Variants in RBM17 observed in about 807,000 individuals in gnomAD.
RBM17 encodes the protein splicing factor 45.
Under a neutral mutation model 53.2 loss-of-function variants are expected in RBM17, and 7 were observed. The observed-to-expected ratio is 0.13, with a 90% CI of 0.07 to 0.25. The LOEUF is 0.25. Among genes scored for constraint, RBM17 ranks in the 10% least tolerant of loss-of-function variants. RBM17 has a pLI of 1.00. For missense variants in RBM17, 257 were observed against 496.7 expected, an observed-to-expected ratio of 0.52 and a Z score of 4.59; for synonymous variants, 167 against 178.1, an observed-to-expected ratio of 0.94 and a Z score of 0.50.
At chr10:6,100,182 A>G (rs1840650578) in intron 2 of RBM17, among the ~76,000 whole-genome samples, 1 of 152,248 alleles carries the variant, frequency 6.6e-6, no homozygotes, top group African/African-American at 2.4e-5. Context: ...TGTTATATTC[A>G]AGAGAGATGA....
At chr10:6,091,388 A>G (rs145396977) in intron 1 of RBM17, among the ~76,000 whole-genome samples, 201 of 152,092 alleles carry the variant, frequency 1.3e-3, no homozygotes, top group Non-Finnish European at 2.0e-3. Context: ...TCAAAGAGGC[A>G]TGCTTTGTTT....
chr10:6,115,745 A>C lies in RBM17; in HGVS notation c.*189A>C. The C allele has an allele frequency of 4.6e-6, 2 of 430,914 alleles. No individual in the cohort carries two copies. The highest frequency in any genetic ancestry group is 4.1e-6 in the Non-Finnish European group (1 of 244,546). The allele number at this position is 430,914 out of a possible 1,614,324, so 26.7% of individuals were successfully genotyped here. A position where few individuals can be genotyped will look rare whatever the true frequency, so the allele number is the denominator to read the frequency against. On this transcript the variant is annotated 3_prime_UTR_variant, in exon 12 of 12. Transcript: ENST00000379888. ...TTAATATAGTATAAAAATCCTTTTA[A>C]AAAAACAACAATCTGTGTGCCTCTC...
chr10:6,108,632 T>G, intron 5 of RBM17, 54 bp from the exon 6 acceptor site: 2 of 1,429,918 alleles, frequency 1.4e-6, no homozygotes, highest in Non-Finnish European at 2.0e-6. Flanking sequence ...TCATAGTCGT[T>G]TGGGAGTCTG....
chr10:6,106,648 G>A (rs535016427), intron 5 of RBM17, among the ~76,000 whole-genome samples: 56 of 152,286 alleles, frequency 3.7e-4, no homozygotes, highest in Admixed American at 1.3e-3. Context: ...ATCCCCAAAT[G>A]TTTGGTTTTT....
At chr10:6,113,362 AC>A in intron 8 of RBM17, 145 bp from the exon 9 acceptor site, 1 of 594,472 alleles carries the variant, frequency 1.7e-6, no homozygotes, top group Non-Finnish European at 3.0e-6. Context: ...TCGCTCAGAG[AC>A]CAATTGTGTA....
At position 6,112,478 on chromosome 10, in the gene RBM17, G is replaced by A. The variant is rs759296698; in HGVS notation, c.856+117G>A. On this transcript the variant is annotated intron_variant, in intron 8 of 11. Transcript: ENST00000379888. The surrounding 1 kb of genome is among the most constrained non-coding windows in gnomAD (Gnocchi z 4.4). ...GGGACAATGAGGCGTGTGGCCAGAG[G>A]GAGAGGGCTGGCCCTGCCATCACTA... 28 of 1,236,190 alleles carry A rather than the reference G, an allele frequency of 2.3e-5. No homozygotes were observed. Among genetic ancestry groups the A allele is most frequent in the Non-Finnish European group, 3.3e-5 (28 of 859,752 alleles). The allele number at this position is 1,236,190 out of a possible 1,614,324, so 76.6% of individuals were successfully genotyped here.
In RBM17 at chr10:6,110,007, A is replaced by G; in HGVS notation, c.584A>G (p.Glu195Gly). 1 of 1,610,320 alleles carries G rather than the reference A, an allele frequency of 6.2e-7. No homozygotes were observed. The highest frequency in any genetic ancestry group is 8.5e-7 in the Non-Finnish European group (1 of 1,177,930). The change falls in exon 7 of 12, where the codon GAA becomes GGA. Residue 195 changes from glutamate (E) to glycine (G), a missense_variant. Physicochemically the swap from Glu to Gly is moderately conservative, Grantham distance 98 (BLOSUM62 -2). Coordinates refer to ENST00000379888, the MANE Select transcript of RBM17 (RefSeq NM_032905.5). ...DKELPRDFPY[E>G]EDSRPRSQSS... ...ATAGTACCCCGAGATTTTCCTTATG[A>G]AGAGGACTCAAGACCTCGATCACAG...
chr10:6,105,118 G>T, intron 4 of RBM17, 21 bp downstream of exon 4: 2 of 1,607,388 alleles, frequency 1.2e-6, no homozygotes, highest in Non-Finnish European at 1.7e-6. Flanking sequence ...CTTTGGATTT[G>T]GGGATATTTT....
In RBM17 at chr10:6,097,794, C is replaced by A. The variant is rs549104958; in HGVS notation, c.123+606C>A. On this transcript the variant is annotated intron_variant, in intron 2 of 11. Transcript: ENST00000379888. Reference sequence around the variant, plus strand: ...CTTGTTTAAGGTGCTAATTTTGTAGCCTTACTCCTGATATTCTGGTAAACT... The same window carrying A: ...CTTGTTTAAGGTGCTAATTTTGTAGACTTACTCCTGATATTCTGGTAAACT... Among the ~76,000 whole-genome samples the A allele has an allele frequency of 2.0e-5, 3 of 152,340 alleles. No homozygotes were observed. In the East Asian group the frequency reaches 5.8e-4, roughly 29 times the overall value.
At chr10:6,106,827 CTTTG>C (rs1304500961) in intron 5 of RBM17, among the ~76,000 whole-genome samples, 2 of 152,112 alleles carry the variant, frequency 1.3e-5, no homozygotes, top group African/African-American at 2.4e-5. Context: ...AATGAGAAGA[CTTTG>C]TTTGACCTTG....
In RBM17 at chr10:6,114,427, T is replaced by TA. The variant is rs145520248; in HGVS notation, c.1029+281dup. On this transcript the variant is annotated intron_variant, in intron 10 of 11. Transcript: ENST00000379888. ...TAGCGTGCTCAGTAGTTTAGTTCCT[T>TA]AGACATGCCTTTGGTTTCAGTCATT... The TA allele has an allele frequency of 8.4e-3, 2,667 of 318,816 alleles. 59 individuals carry two copies. Among genetic ancestry groups the TA allele is most frequent in the African/African-American group, 0.053 (2,461 of 46,010 alleles). 19.7% of individuals were successfully genotyped at this position (318,816 alleles called of 1,614,324 possible).
chr10:6,104,810 C>A, intron 3 of RBM17, 121 bp from the exon 4 acceptor site: 1 of 784,188 alleles, frequency 1.3e-6, no homozygotes, highest in Non-Finnish European at 2.0e-6. Flanking sequence ...GTCTTTAAAA[C>A]AGAGGAAGGG....
chr10:6,090,330 T>A lies in RBM17; in HGVS notation c.-19+1137T>A, dbSNP rs188308727. Among the ~76,000 whole-genome samples, 28 of 152,268 alleles carry A rather than the reference T, an allele frequency of 1.8e-4. 1 individual carries two copies. In the East Asian group the frequency reaches 5.0e-3, roughly 27 times the overall value. ...AAGGATGCAACACAAGTTTCCACAT[T>A]TTTAGTTGTAAAGGCTGCAGACATT... On this transcript the variant is annotated intron_variant, in intron 1 of 11. Transcript: ENST00000379888.
intron 1 of RBM17, among the ~76,000 whole-genome samples, chr10:6,093,968 ATTTTTTTTTT>A (rs71390121): frequency 2.1e-5 from 2 of 93,272 alleles, no homozygotes; most frequent in South Asian, 3.5e-4. Flanking sequence ...CAAGTGTGGA[ATTTTTTTTTT>A]TTTTTTTTTT....
chr10:6,107,639 G>A (rs942201009), intron 5 of RBM17, among the ~76,000 whole-genome samples: 5 of 151,612 alleles, frequency 3.3e-5, no homozygotes, highest in Non-Finnish European at 1.5e-5. Context: ...GTGCCACCAT[G>A]CCCAGCTGAT....
intron 1 of RBM17, among the ~76,000 whole-genome samples, chr10:6,090,486 GT>G: frequency 6.6e-6 from 1 of 152,346 alleles, no homozygotes; most frequent in Non-Finnish European, 1.5e-5. Context: ...AGGTTGTGCG[GT>G]TGTGGAGCTC....
At chr10:6,110,483 T>C (rs923031277) in intron 7 of RBM17, among the ~76,000 whole-genome samples, 3 of 152,212 alleles carry the variant, frequency 2.0e-5, no homozygotes, top group East Asian at 3.8e-4. Context: ...ACCTTTTTTT[T>C]CCTGATAAAG....
intron 2 of RBM17, among the ~76,000 whole-genome samples, chr10:6,099,890 T>G (rs1243553391): frequency 6.6e-6 from 1 of 152,092 alleles, no homozygotes; most frequent in Non-Finnish European, 1.5e-5. Flanking sequence ...AAACCTTATC[T>G]CTAATAAAAA....
intron 2 of RBM17, among the ~76,000 whole-genome samples, chr10:6,100,715 A>C (rs954240819): frequency 6.6e-6 from 1 of 152,132 alleles, no homozygotes. Context: ...GATATCTTGG[A>C]GAATCTGAAT....
Sources: gnomAD v4.1 joint callset for allele counts (sites outside exome capture counted in the v4.1 genomes callset) on GRCh38, gnomAD v4.1.1 for gene constraint, Gnocchi (gnomAD v3.1) non-coding constraint, MANE v1.5 for transcripts, NCBI Gene and HGNC (gene_info 2026-07-23, HGNC 2026-07-21) for gene names.